The following CCDC157 variants were observed in gnomAD, a reference collection of about 807,000 sequenced individuals.
The protein encoded by CCDC157 is coiled-coil domain containing 157.
A neutral mutation model predicts 70.9 loss-of-function variants in CCDC157; 60 were observed. The observed-to-expected ratio is 0.85, with a 90% CI of 0.69 to 1.05. The LOEUF is 1.05. Among genes scored for constraint, CCDC157 ranks in the 50% least tolerant of loss-of-function variants. The probability of loss-of-function intolerance (pLI) is 0.00; values close to 1 mark genes in which losing one functional copy is unlikely to be tolerated. For synonymous variants in CCDC157, 373 were observed against 422.4 expected (o/e 0.88, Z 1.43); for missense variants, 943 against 984.2 (o/e 0.96, Z 0.56).
intron 10 of CCDC157, 154 bp downstream of exon 10, chr22:30,375,817 G>T (rs1933312747): frequency 2.9e-6 from 2 of 678,564 alleles, no homozygotes; most frequent in South Asian, 4.0e-5. Flanking sequence ...ATTTCCAGAA[G>T]GCGTGAGGAT....
At chr22:30,376,118 T>C in intron 10 of CCDC157, 141 bp from the exon 11 acceptor site, 1 of 709,154 alleles carries the variant, frequency 1.4e-6, no homozygotes, top group Non-Finnish European at 2.4e-6. Flanking sequence ...GAAGGCTTCC[T>C]AGGCCCTGCC....
Position 30,370,965 on chromosome 22 carries a change from G to T in CCDC157, c.1045+15G>T. Reference sequence around the variant, plus strand: ...GCTGCTCACAGGTCTGTGCCCCAGAGGCCAGACGCCTGGTGCCCAGGGGCT... The same window carrying T: ...GCTGCTCACAGGTCTGTGCCCCAGATGCCAGACGCCTGGTGCCCAGGGGCT... On this transcript the variant is annotated intron_variant, in intron 5 of 11. Transcript: ENST00000338306. The T allele has an allele frequency of 6.3e-7, 1 of 1,597,124 alleles. No homozygotes were observed. The highest frequency in any genetic ancestry group is 2.2e-5 in the East Asian group (1 of 44,472).
Position 30,370,910 on chromosome 22 carries a change from CCTGT to C in CCDC157, c.1009_1012del (p.Glu338GlyfsTer15), listed in dbSNP as rs1239449304. 9 of 1,610,610 alleles carry C rather than the reference CCTGT, an allele frequency of 5.6e-6. No homozygotes were observed. The East Asian group carries it at 1.8e-4, about 32-fold the overall frequency. On this transcript the variant is annotated frameshift_variant, in exon 5 of 12. Coordinates refer to ENST00000338306, the MANE Select transcript of CCDC157 (RefSeq NM_001017437.5). LOFTEE classifies it high-confidence loss of function. ...GACAGGCGGAGGAGGATGAGCAGTG[CCTGT>C]CTGAGTGGGAGCACGACAAACAGCA...
chr22:30,370,160 C>T (rs1932870490), intron 4 of CCDC157, 166 bp from the exon 5 acceptor site: 1 of 800,354 alleles, frequency 1.2e-6, no homozygotes, highest in Non-Finnish European at 2.0e-6. Flanking sequence ...GTCAGAGTAA[C>T]AGAGGGAGAA....
intron 2 of CCDC157, among the ~76,000 whole-genome samples, chr22:30,365,077 A>G (rs5749078): frequency 0.88 from 133,316 of 152,208 alleles, 58,740 homozygotes; most frequent in African/African-American, 0.97. Flanking sequence ...AGAGAAGGCC[A>G]TTCCAGCAGA....
chr22:30,360,771 GGC>G (rs1191297528), intron 1 of CCDC157, among the ~76,000 whole-genome samples: 1 of 152,120 alleles, frequency 6.6e-6, no homozygotes, highest in African/African-American at 2.4e-5. Flanking sequence ...AAATTGGCCG[GGC>G]ATGGTGGCTC....
At position 30,357,428 on chromosome 22, in the gene CCDC157, C is replaced by T. The variant is rs1008989229; in HGVS notation, c.-166+296C>T. Among the ~76,000 whole-genome samples, 10 of 152,224 alleles carry T rather than the reference C, an allele frequency of 6.6e-5. 1 individual carries two copies. Among genetic ancestry groups the T allele is most frequent in the African/African-American group, 2.4e-4 (10 of 41,458 alleles). On this transcript the variant is annotated intron_variant, in intron 1 of 11. Coordinates refer to ENST00000338306, the MANE Select transcript of CCDC157 (RefSeq NM_001017437.5). ...AACCTGCCTTTTCTTGCTTCCATCC[C>T]CTGCCTTCCGTAGTCCCGCCCTCAA...
At chr22:30,364,667 G>A (rs1005526221) in intron 2 of CCDC157, among the ~76,000 whole-genome samples, 2 of 151,990 alleles carry the variant, frequency 1.3e-5, no homozygotes, top group African/African-American at 4.8e-5. Context: ...GCCAGGCGTG[G>A]TGGCGGGCAC....
chr22:30,361,266 GAAAA>G (rs1932329218), intron 1 of CCDC157, among the ~76,000 whole-genome samples: 1 of 132,658 alleles, frequency 7.5e-6, no homozygotes, highest in Admixed American at 7.6e-5. Flanking sequence ...AAAAAAAAAA[GAAAA>G]AAGGTATGAT....
At chr22:30,375,277 T>G in intron 9 of CCDC157, 1 of 559,604 alleles carries the variant, frequency 1.8e-6, no homozygotes, top group South Asian at 2.2e-5. Flanking sequence ...TTTTGAGAGC[T>G]CTAGGTCCCA....
rs1019119958 is a variant in CCDC157, at chr22:30,374,169, G to A, written c.1672+78G>A. ...TGAGGGCTCGTGTGGGCAGGACACT[G>A]GGGACTGCAGCTCCCTAGCCTGCAG... On this transcript the variant is annotated intron_variant, in intron 9 of 11. Coordinates refer to ENST00000338306, the MANE Select transcript of CCDC157 (RefSeq NM_001017437.5). The A allele has an allele frequency of 4.7e-6, 7 of 1,482,096 alleles. No homozygotes were observed. In the African/African-American group the frequency reaches 5.6e-5, roughly 12 times the overall value. 91.8% of individuals were successfully genotyped at this position (1,482,096 alleles called of 1,614,324 possible).
At chr22:30,358,115 C>T (rs901566645) in intron 1 of CCDC157, among the ~76,000 whole-genome samples, 1 of 152,152 alleles carries the variant, frequency 6.6e-6, no homozygotes, top group African/African-American at 2.4e-5. Context: ...CTCTGGAAAG[C>T]GGGGAGCTGG....
intron 9 of CCDC157, chr22:30,374,298 A>G: frequency 1.5e-6 from 1 of 657,398 alleles, no homozygotes; most frequent in Non-Finnish European, 2.7e-6. Flanking sequence ...GGGACGTGAA[A>G]GCCCAACAGT....
chr22:30,356,857 C>T, upstream of CCDC157: 2 of 1,249,072 alleles, frequency 1.6e-6, no homozygotes, highest in Non-Finnish European at 2.0e-6. Flanking sequence ...TCAAGACAGC[C>T]TCCCCGCTCG....
At chr22:30,361,419 G>A (rs1330795430) in intron 1 of CCDC157, among the ~76,000 whole-genome samples, 1 of 152,052 alleles carries the variant, frequency 6.6e-6, no homozygotes. Flanking sequence ...CAGGGGAGGA[G>A]GGGAGAGGTC....
Position 30,371,702 on chromosome 22 carries a change from G to A in CCDC157, c.1098G>A (p.Gln366=). The A allele has an allele frequency of 6.2e-7, 1 of 1,614,132 alleles. No homozygotes were observed. The highest frequency in any genetic ancestry group is 8.5e-7 in the Non-Finnish European group (1 of 1,179,978). Residue 366 remains glutamine, a synonymous_variant, in exon 6 of 12, where the codon CAG becomes CAA. Transcript: ENST00000338306. The part of the protein sequence containing the change: ...KMATLERELK[Q]QRESTQAVEA... The stretch of plus-strand genomic sequence containing the variant: ...CCACCCTGGAGAGAGAACTGAAACA[G>A]CAGCGGGAGTCCACACAGGCTGTGG...
intron 4 of CCDC157, 69 bp downstream of exon 4, chr22:30,369,672 A>G: frequency 1.6e-6 from 2 of 1,254,972 alleles, no homozygotes; most frequent in Non-Finnish European, 2.1e-6. Context: ...TGGCCTTCAC[A>G]CCTCGCCCCA....
Position 30,357,104 on chromosome 22 carries a change from G to T in CCDC157, c.-194G>T, listed in dbSNP as rs1385200539. On this transcript the variant is annotated 5_prime_UTR_variant, in exon 1 of 12. Coordinates refer to ENST00000338306, the MANE Select transcript of CCDC157 (RefSeq NM_001017437.5). ...GCAGTTCCGGGAGCCGACCAGACAC[G>T]AAGGCTGAAGCCGCGACGCCGAAGA... is the stretch of plus-strand genomic sequence containing the variant. 3 of 304,572 alleles carry T rather than the reference G, an allele frequency of 9.8e-6. No individual in the cohort carries two copies. In the Admixed American group the frequency reaches 1.5e-4, roughly 16 times the overall value. The allele number at this position is 304,572 out of a possible 1,614,324, so 18.9% of individuals were successfully genotyped here.
At chr22:30,358,303 A>G (rs1932081266) in intron 1 of CCDC157, among the ~76,000 whole-genome samples, 1 of 152,246 alleles carries the variant, frequency 6.6e-6, no homozygotes, top group African/African-American at 2.4e-5. Context: ...TGAGCCGGAT[A>G]CTGTGCCCAA....
Sources: gnomAD v4.1 joint callset for allele counts (sites outside exome capture counted in the v4.1 genomes callset) on GRCh38, gnomAD v4.1.1 for gene constraint, MANE v1.5 for transcripts, NCBI Gene and HGNC (gene_info 2026-07-23, HGNC 2026-07-21) for gene names.